Variants in NDE1 observed in about 807,000 individuals in gnomAD.
NDE1 encodes the protein nudE neurodevelopment protein 1, also known as nuclear distribution protein nudE homolog 1.
In NDE1, 28 loss-of-function variants were observed where a neutral mutation model predicts 43.4. That is an observed-to-expected ratio of 0.65 (90% CI 0.48 to 0.89). The LOEUF is 0.89. Ranked by LOEUF, NDE1 falls within the 40% of genes least tolerant of loss-of-function variation. The probability of loss-of-function intolerance (pLI) is 0.00; values close to 1 mark genes in which losing one functional copy is unlikely to be tolerated. For synonymous variants in NDE1, 184 were observed against 172.0 expected (o/e 1.07, Z -0.55); for missense variants, 441 against 434.1 (o/e 1.02, Z -0.14).
At chr16:15,707,108 G>A (rs913659430) in intron 8 of NDE1, among the ~76,000 whole-genome samples, 1 of 152,060 alleles carries the variant, frequency 6.6e-6, no homozygotes, top group Non-Finnish European at 1.5e-5. Flanking sequence ...GCGTGATCTT[G>A]GCTCACTGCA....
intron 6 of NDE1, among the ~76,000 whole-genome samples, chr16:15,692,177 T>C (rs2038788217): frequency 6.6e-6 from 1 of 152,222 alleles, no homozygotes; most frequent in Non-Finnish European, 1.5e-5. Context: ...CAGTGTGTGC[T>C]GGCCAGCCTG....
At chr16:15,670,264 G>A (rs1485248895) in intron 3 of NDE1, among the ~76,000 whole-genome samples, 1 of 152,196 alleles carries the variant, frequency 6.6e-6, no homozygotes, top group Non-Finnish European at 1.5e-5. Flanking sequence ...GGTGAAAGGG[G>A]AAGTGCTGGT....
At chr16:15,705,404 C>T (rs1050427531) in intron 8 of NDE1, among the ~76,000 whole-genome samples, 8 of 152,108 alleles carry the variant, frequency 5.3e-5, no homozygotes, top group African/African-American at 1.9e-4. Context: ...GGGCTGGTCA[C>T]GTGAGGGGAG....
intron 3 of NDE1, among the ~76,000 whole-genome samples, chr16:15,668,310 T>C (rs539960498): frequency 6.6e-6 from 1 of 152,310 alleles, no homozygotes; most frequent in Admixed American, 6.5e-5. Flanking sequence ...TGAGCTGAGA[T>C]TGTGCCACTG....
At chr16:15,722,317 G>T (rs895813344) in intron 8 of NDE1, among the ~76,000 whole-genome samples, 3 of 152,228 alleles carry the variant, frequency 2.0e-5, no homozygotes, top group African/African-American at 7.2e-5. Flanking sequence ...GCCTCAGTAG[G>T]GAAATGGTAA....
chr16:15,664,615 A>G (rs931365568), intron 1 of NDE1, 121 bp from the exon 2 acceptor site: 6 of 653,764 alleles, frequency 9.2e-6, no homozygotes, highest in South Asian at 8.8e-5. Context: ...TCAGCCTCCC[A>G]AAGTGCTGGG....
intron 4 of NDE1, chr16:15,686,595 T>G: frequency 4.1e-6 from 4 of 964,314 alleles, no homozygotes; most frequent in Non-Finnish European, 4.9e-6. Flanking sequence ...GGAGGATCTC[T>G]TGAGCCCAAG....
chr16:15,682,529 A>G (rs2038234759), intron 4 of NDE1, among the ~76,000 whole-genome samples: 1 of 152,146 alleles, frequency 6.6e-6, no homozygotes. Flanking sequence ...GAAACTACTC[A>G]CTTTTAACTG....
At chr16:15,654,998 C>T (rs570237536) in intron 1 of NDE1, among the ~76,000 whole-genome samples, 1 of 151,988 alleles carries the variant, frequency 6.6e-6, no homozygotes, top group South Asian at 2.1e-4. Flanking sequence ...TGCAATAGAA[C>T]TTTCTGACGT....
chr16:15,678,195 G>C (rs1177769150), intron 4 of NDE1, among the ~76,000 whole-genome samples: 2 of 152,108 alleles, frequency 1.3e-5, no homozygotes, highest in Admixed American at 1.3e-4. Flanking sequence ...TATTAATTTG[G>C]CTGTTGGCCT....
intron 4 of NDE1, among the ~76,000 whole-genome samples, chr16:15,680,741 T>C (rs1052860996): frequency 4.6e-5 from 7 of 152,132 alleles, no homozygotes; most frequent in African/African-American, 1.7e-4. Context: ...AGTTTTGCGA[T>C]GTTGGAGAGG....
At chr16:15,723,449 C>A (rs1266067223) in intron 8 of NDE1, among the ~76,000 whole-genome samples, 1 of 152,234 alleles carries the variant, frequency 6.6e-6, no homozygotes, top group Admixed American at 6.5e-5. Flanking sequence ...GAGTTGGAGA[C>A]CAGCCTGGAC....
upstream of NDE1, among the ~76,000 whole-genome samples, chr16:15,648,993 C>T (rs1452445473): frequency 1.3e-5 from 2 of 151,842 alleles, no homozygotes; most frequent in African/African-American, 4.8e-5. Flanking sequence ...GACAGGGATT[C>T]GAGAGCAGCC....
intron 8 of NDE1, among the ~76,000 whole-genome samples, chr16:15,716,411 T>C (rs2040141807): frequency 4.6e-5 from 7 of 152,172 alleles, no homozygotes; most frequent in Admixed American, 4.6e-4. Context: ...TAGAATCCAA[T>C]GGTAAGAAAT....
At chr16:15,681,326 T>G (rs2038171067) in intron 4 of NDE1, among the ~76,000 whole-genome samples, 1 of 127,594 alleles carries the variant, frequency 7.8e-6, no homozygotes, top group South Asian at 2.7e-4. Flanking sequence ...AGTGCCATGG[T>G]GCAATTACAG....
intron 8 of NDE1, among the ~76,000 whole-genome samples, chr16:15,698,698 T>C (rs984529366): frequency 1.3e-5 from 2 of 151,858 alleles, no homozygotes; most frequent in East Asian, 2.0e-4. Flanking sequence ...CTATCTATAC[T>C]AAAAATACGA....
At chr16:15,698,339 G>T (rs1357411827) in intron 8 of NDE1, among the ~76,000 whole-genome samples, 1 of 151,412 alleles carries the variant, frequency 6.6e-6, no homozygotes, top group Non-Finnish European at 1.5e-5. Flanking sequence ...TGAGGCCGCA[G>T]TGAGCCGTGT....
chr16:15,694,291 C>CT (rs1466935858), intron 7 of NDE1, 35 bp downstream of exon 7: 1 of 1,606,746 alleles, frequency 6.2e-7, no homozygotes, highest in East Asian at 2.3e-5. Flanking sequence ...TGGTGCCTTC[C>CT]TGCCTGTCTT....
chr16:15,658,290 G>A (rs891107496), intron 1 of NDE1, among the ~76,000 whole-genome samples: 3 of 152,232 alleles, frequency 2.0e-5, no homozygotes, highest in African/African-American at 4.8e-5. Flanking sequence ...GCCCTCACTG[G>A]CTTAGTATGG....
Sources: gnomAD v4.1 joint callset for allele counts (sites outside exome capture counted in the v4.1 genomes callset) on GRCh38, gnomAD v4.1.1 for gene constraint, MANE v1.5 for transcripts, NCBI Gene and HGNC (gene_info 2026-07-23, HGNC 2026-07-21) for gene names.